OR4N5: variants seen among roughly 807,000 people sequenced by gnomAD.
OR4N5 encodes the protein olfactory receptor family 4 subfamily N member 5.
For missense variants in OR4N5, 428 were observed against 370.0 expected (o/e 1.16, Z -1.29); for synonymous variants, 155 against 140.6 (o/e 1.10, Z -0.72).
chr14:20,141,347 G>T (rs559804784), intron 2 of OR4N5, 136 bp downstream of exon 2: 1 of 152,296 alleles, frequency 6.6e-6, no homozygotes, highest in Non-Finnish European at 1.5e-5. Flanking sequence ...CTAATTTGAA[G>T]AACACCAAAA....
chr14:20,144,162 G>T lies in OR4N5; in HGVS notation c.427G>T (p.Ala143Ser), dbSNP rs767801130. 5.0e-6 allele frequency: 8 copies of T among 1,614,108 alleles called. No individual in the cohort carries two copies. In the Admixed American group the frequency reaches 1.3e-4, roughly 27 times the overall value. The change falls in exon 3 of 3, where the codon GCA becomes TCA. Residue 143 changes from alanine to serine, a missense_variant. By Grantham distance (99) the Ala-to-Ser change is moderately conservative. Transcript: ENST00000641086. Reference protein sequence around the residue: ...STIMNPRACYALSLVLWLGGF... With the variant: ...STIMNPRACYSLSLVLWLGGF... ...CATCATGAACCCTAGAGCCTGCTAT[G>T]CATTATCGTTGGTTCTGTGGCTTGG...
chr14:20,142,074 A>G (rs1372179618), intron 2 of OR4N5, among the ~76,000 whole-genome samples: 3 of 152,164 alleles, frequency 2.0e-5, no homozygotes, highest in African/African-American at 7.2e-5. Context: ...ATTTATTTAT[A>G]AAACATTTTA....
chr14:20,144,038 C>T lies in OR4N5; in HGVS notation c.303C>T (p.Leu101=), dbSNP rs1878674468. The change falls in exon 3 of 3, where the codon CTC becomes CTT. Residue 101 remains leucine (L), a synonymous_variant. Coordinates refer to ENST00000641086, the MANE Select transcript of OR4N5 (RefSeq NM_001004724.2). ...VISYRSCITQ[L]FFLHFLGAGE... ...CCTATAGAAGCTGCATCACTCAGCT[C>T]TTTTTCTTGCATTTTCTTGGAGCGG... is the stretch of plus-strand genomic sequence containing the variant. The T allele has an allele frequency of 1.2e-6, 2 of 1,613,998 alleles. No individual in the cohort carries two copies. The highest frequency in any genetic ancestry group is 1.7e-6 in the Non-Finnish European group (2 of 1,180,010).
Position 20,144,036 on chromosome 14 carries a change from C to G in OR4N5, c.301C>G (p.Leu101Val), listed in dbSNP as rs1274947322. 1.9e-6 allele frequency: 3 copies of G among 1,614,128 alleles called. No individual in the cohort carries two copies. Among genetic ancestry groups the G allele is most frequent in the Admixed American group, 3.3e-5 (2 of 59,988 alleles). Residue 101 changes from leucine (L) to valine (V), a missense_variant, in exon 3 of 3, where the codon CTC (leucine) becomes GTC (valine). Physicochemically the swap from Leu to Val is conservative, Grantham distance 32. Transcript: ENST00000641086. ...CTCCTATAGAAGCTGCATCACTCAG[C>G]TCTTTTTCTTGCATTTTCTTGGAGC... ...VISYRSCITQ[L>V]FFLHFLGAGE...
At chr14:20,139,111 C>T (rs1423976426) in intron 1 of OR4N5, among the ~76,000 whole-genome samples, 1 of 151,928 alleles carries the variant, frequency 6.6e-6, no homozygotes, top group African/African-American at 2.4e-5. Context: ...ATACTTAGTA[C>T]TATTTTAAAG....
rs181673651 is a variant in OR4N5 at position 20,142,136 on chromosome 14, T to A, written c.-12+925T>A. On this transcript the variant is annotated intron_variant, in intron 2 of 2. Coordinates refer to ENST00000641086, the MANE Select transcript of OR4N5 (RefSeq NM_001004724.2). ...TACAATCACAAATATATATATATAT[T>A]TTTTTTTGAGATGGAGTCTCGCTCT... Among the ~76,000 whole-genome samples the A allele has an allele frequency of 5.7e-3, 859 of 151,376 alleles. 1 individual carries two copies. The highest frequency in any genetic ancestry group is 0.013 in the South Asian group (61 of 4,780).
At position 20,141,045 on chromosome 14, in the gene OR4N5, G is replaced by T. The variant is rs1367642276; in HGVS notation, c.-178G>T. 6.6e-6 allele frequency: 1 copy of T among 152,148 alleles called. No homozygotes were observed. The highest frequency in any genetic ancestry group is 2.4e-5 in the African/African-American group (1 of 41,436). 9.4% of individuals were successfully genotyped at this position (152,148 alleles called of 1,614,324 possible). A position where few individuals can be genotyped will look rare whatever the true frequency, so the allele number is the denominator to read the frequency against. On this transcript the variant is annotated 5_prime_UTR_variant, in exon 2 of 3. It introduces an in-frame stop codon into an upstream open reading frame of the 5' UTR. Transcript: ENST00000641086. ...TGGATTAAAGATGTTGAGTAACATGGAATTTCATCTGTTAGTTAACAGAAA... is the reference window on the plus strand; with the variant it reads ...TGGATTAAAGATGTTGAGTAACATGTAATTTCATCTGTTAGTTAACAGAAA...
At chr14:20,143,581 G>T in intron 2 of OR4N5, 144 bp from the exon 3 acceptor site, 1 of 607,606 alleles carries the variant, frequency 1.6e-6, no homozygotes, top group Non-Finnish European at 2.9e-6. Context: ...AGAATAGAAG[G>T]GTTAACTCAG....
intron 1 of OR4N5, among the ~76,000 whole-genome samples, chr14:20,140,565 T>C (rs1210023283): frequency 1.3e-5 from 2 of 152,172 alleles, no homozygotes; most frequent in Non-Finnish European, 1.5e-5. Context: ...AATTGAGATA[T>C]GCACAGTGTT....
In OR4N5 at chr14:20,144,568, T is replaced by G; in HGVS notation, c.833T>G (p.Ile278Ser). Residue 278 changes from isoleucine (I) to serine (S), a missense_variant, in exon 3 of 3, where the codon ATC (isoleucine) becomes AGC (serine). Physicochemically the swap from Ile to Ser is moderately radical, Grantham distance 142. Coordinates refer to ENST00000641086, the MANE Select transcript of OR4N5 (RefSeq NM_001004724.2). Reference sequence around the variant, plus strand: ...GTAGTTTCTCTTTTCCATACTGTCATCTTTCCTTTGATGAACCCTGTTATT... The same window carrying G: ...GTAGTTTCTCTTTTCCATACTGTCAGCTTTCCTTTGATGAACCCTGTTATT... ...DKVVSLFHTV[I>S]FPLMNPVIYT... 1.2e-6 allele frequency: 2 copies of G among 1,614,018 alleles called. No homozygotes were observed. Among genetic ancestry groups the G allele is most frequent in the Non-Finnish European group, 1.7e-6 (2 of 1,179,900 alleles).
chr14:20,142,062 GTATT>G (rs751257043), intron 2 of OR4N5, among the ~76,000 whole-genome samples: 1 of 152,040 alleles, frequency 6.6e-6, no homozygotes, highest in African/African-American at 2.4e-5. Context: ...TCGTATGTGA[GTATT>G]TATTTATAAA....
Position 20,145,140 on chromosome 14 carries a change from T to A in OR4N5, c.*478T>A, listed in dbSNP as rs1162681245. On this transcript the variant is annotated 3_prime_UTR_variant, in exon 3 of 3. Transcript: ENST00000641086. ...TGACTAGTACAAGAATCCAAAGATC[T>A]TATGAGCTTGTTATATTTGATGACC... The A allele has an allele frequency of 6.5e-6, 1 of 154,858 alleles. No individual in the cohort carries two copies. The highest frequency in any genetic ancestry group is 1.9e-4 in the East Asian group (1 of 5,238). The allele number at this position is 154,858 out of a possible 1,614,324, so 9.6% of individuals were successfully genotyped here.
rs138121722 is a variant in OR4N5, at chr14:20,144,457, C to T, written c.722C>T (p.Thr241Ile). The T allele has an allele frequency of 2.5e-4, 398 of 1,613,836 alleles. No individual in the cohort carries two copies. Among genetic ancestry groups the T allele is most frequent in the Non-Finnish European group, 3.2e-4 (372 of 1,179,884 alleles). Residue 241 changes from threonine (T) to isoleucine (I), a missense_variant, in exon 3 of 3, where the codon ACC (threonine) becomes ATC (isoleucine). Transcript: ENST00000641086. ...AAGAGCAAGGCTATTTCCACATGCA[C>T]CACCCATATTATCATTATATTTCTC... Reference protein sequence around the residue: ...EGKSKAISTCTTHIIIIFLMF... With the variant: ...EGKSKAISTCITHIIIIFLMF...
At position 20,144,329 on chromosome 14, in the gene OR4N5, G is replaced by A; in HGVS notation, c.594G>A (p.Leu198=). 6.2e-7 allele frequency: 1 copy of A among 1,613,976 alleles called. No homozygotes were observed. Among genetic ancestry groups the A allele is most frequent in the East Asian group, 2.2e-5 (1 of 44,842 alleles). The change falls in exon 3 of 3, where the codon CTG becomes CTA. Residue 198 remains leucine, a synonymous_variant. Coordinates refer to ENST00000641086, the MANE Select transcript of OR4N5 (RefSeq NM_001004724.2). ...ACTNTFVVEL[L]MVSNSGLLSL... ...CCAATACCTTTGTGGTGGAGCTTCT[G>A]ATGGTCTCCAACAGTGGCCTGCTCA...
rs1878682997 is a variant in OR4N5, at chr14:20,144,206, T to C, written c.471T>C (p.Ile157=). 2 of 1,614,072 alleles carry C rather than the reference T, an allele frequency of 1.2e-6. No individual in the cohort carries two copies. Among genetic ancestry groups the C allele is most frequent in the Non-Finnish European group, 1.7e-6 (2 of 1,179,972 alleles). ...VLWLGGFIHS[I]VQVALILHLP... ...GGCTTGGGGGCTTTATCCATTCCAT[T>C]GTACAAGTAGCCCTTATCCTGCACT... is the stretch of plus-strand genomic sequence containing the variant. Residue 157 remains isoleucine, a synonymous_variant, in exon 3 of 3, where the codon ATT becomes ATC. Coordinates refer to ENST00000641086, the MANE Select transcript of OR4N5 (RefSeq NM_001004724.2).
At chr14:20,139,373 C>T (rs888796253) in intron 1 of OR4N5, among the ~76,000 whole-genome samples, 1 of 152,114 alleles carries the variant, frequency 6.6e-6, no homozygotes, top group African/African-American at 2.4e-5. Flanking sequence ...ACATGTGTTT[C>T]CCCATCTGCA....
At chr14:20,141,591 G>A (rs762620259) in intron 2 of OR4N5, among the ~76,000 whole-genome samples, 4 of 151,848 alleles carry the variant, frequency 2.6e-5, no homozygotes, top group Non-Finnish European at 5.9e-5. Flanking sequence ...ATTTTCTTAC[G>A]GATTTTTAAG....
At chr14:20,139,540 A>C (rs1029428485) in intron 1 of OR4N5, among the ~76,000 whole-genome samples, 1 of 152,178 alleles carries the variant, frequency 6.6e-6, no homozygotes, top group Non-Finnish European at 1.5e-5. Flanking sequence ...ACTTAGATTC[A>C]AGCTGTTATC....
rs1382113659 is a variant in OR4N5, at chr14:20,143,877, A to G, written c.142A>G (p.Thr48Ala). The change falls in exon 3 of 3, where the codon ACC becomes GCC. Residue 48 changes from threonine (T) to alanine (A), a missense_variant. By Grantham distance (58) the Thr-to-Ala change is moderately conservative. Transcript: ENST00000641086. ...ILPGNFLIIF[T>A]IKSDPGLTAP... ...CCCTGGAAATTTCCTCATCATTTTCACCATAAAGTCAGACCCTGGGCTCAC... is the reference window on the plus strand; with the variant it reads ...CCCTGGAAATTTCCTCATCATTTTCGCCATAAAGTCAGACCCTGGGCTCAC... 1.2e-6 allele frequency: 2 copies of G among 1,613,944 alleles called. No individual in the cohort carries two copies. The highest frequency in any genetic ancestry group is 2.7e-5 in the African/African-American group (2 of 74,992).
Sources: allele counts gnomAD v4.1 joint callset (sites outside exome capture counted in the v4.1 genomes callset), GRCh38; gene constraint gnomAD v4.1.1; transcripts MANE v1.5; gene names NCBI Gene and HGNC (gene_info 2026-07-23, HGNC 2026-07-21).